Variants in SGK1 observed in about 807,000 individuals in gnomAD.
SGK1 encodes serine/threonine-protein kinase Sgk1.
Under a neutral mutation model 64.2 loss-of-function variants are expected in SGK1, and 26 were observed. The observed-to-expected ratio is 0.40, with a 90% CI of 0.30 to 0.56. The LOEUF (loss-of-function observed/expected upper bound fraction) is 0.56, where lower values mean the gene tolerates loss of function less well. Ranked by LOEUF, SGK1 falls within the 20% of genes least tolerant of loss-of-function variation. The probability of loss-of-function intolerance (pLI) is 0.38; values close to 1 mark genes in which losing one functional copy is unlikely to be tolerated. For missense variants in SGK1, 519 were observed against 645.6 expected, an observed-to-expected ratio of 0.80 and a Z score of 2.12; for synonymous variants, 265 against 239.7, an observed-to-expected ratio of 1.11 and a Z score of -0.98.
chr6:134,171,622 C>T lies in SGK1; in HGVS notation c.1167+15G>A. On this transcript the variant is annotated intron_variant, in intron 11 of 13. Transcript: ENST00000367858. ...GGAGCAGGCAGTGTTCCATGGTTCCCAATGTGCCACTCACCAGGCCATACA... is the reference window on the plus strand; with the variant it reads ...GGAGCAGGCAGTGTTCCATGGTTCCTAATGTGCCACTCACCAGGCCATACA... The T allele has an allele frequency of 6.3e-6, 10 of 1,584,790 alleles. No individual in the cohort carries two copies. Among genetic ancestry groups the T allele is most frequent in the Non-Finnish European group, 7.8e-6 (9 of 1,153,302 alleles).
Position 134,172,283 on chromosome 6 carries a change from T to C in SGK1, c.981A>G (p.Ser327=). The change falls in exon 10 of 14, where the codon TCA becomes TCG. Residue 327 remains serine, a synonymous_variant. Coordinates refer to ENST00000367858, the MANE Select transcript of SGK1 (RefSeq NM_001143676.3). ...AGTCAGTAAGGACAATGTGTCCCTG[T>C]GAATCTAGCAAAATATTCTCTGGTT... ...DLKPENILLD[S]QGHIVLTDFG... 1 of 1,613,478 alleles carries C rather than the reference T, an allele frequency of 6.2e-7. No homozygotes were observed. Among genetic ancestry groups the C allele is most frequent in the South Asian group, 1.1e-5 (1 of 91,034 alleles).
intron 1 of SGK1, among the ~76,000 whole-genome samples, chr6:134,290,676 C>T (rs951996480): frequency 1.3e-5 from 2 of 152,096 alleles, no homozygotes; most frequent in East Asian, 1.9e-4. Context: ...TCTCATTGTG[C>T]CTCAGATAAT....
chr6:134,305,855 G>A (rs1010365890), intron 1 of SGK1, among the ~76,000 whole-genome samples: 1 of 152,054 alleles, frequency 6.6e-6, no homozygotes, highest in Non-Finnish European at 1.5e-5. Flanking sequence ...AAAATGCAAA[G>A]AACTTTCAAT....
chr6:134,274,870 A>G (rs1776997098), intron 1 of SGK1, among the ~76,000 whole-genome samples: 1 of 151,986 alleles, frequency 6.6e-6, no homozygotes, highest in African/African-American at 2.4e-5. Context: ...CAGTGGCGCA[A>G]TCTTGGCTCA....
intron 3 of SGK1, chr6:134,177,833 G>A (rs1160316293): frequency 4.4e-6 from 7 of 1,608,064 alleles, no homozygotes; most frequent in South Asian, 3.3e-5. Context: ...GAGAGCACGA[G>A]CCAGAGACGG....
At chr6:134,264,121 CTTT>C (rs61245102) in intron 1 of SGK1, among the ~76,000 whole-genome samples, 5 of 140,182 alleles carry the variant, frequency 3.6e-5, no homozygotes, top group Admixed American at 7.2e-5. Flanking sequence ...TCTTTTCTTT[CTTT>C]TTTTTTTTTT....
At chr6:134,197,307 C>A (rs1205059346) in intron 3 of SGK1, among the ~76,000 whole-genome samples, 1 of 152,064 alleles carries the variant, frequency 6.6e-6, no homozygotes, top group East Asian at 1.9e-4. Context: ...TGGAAGATAG[C>A]TGGCAAGTTG....
intron 1 of SGK1, among the ~76,000 whole-genome samples, chr6:134,295,442 A>G (rs1000826953): frequency 6.6e-6 from 1 of 152,188 alleles, no homozygotes; most frequent in African/African-American, 2.4e-5. Flanking sequence ...GGTGGCTCAA[A>G]CCTGTAATCC....
At chr6:134,231,735 A>G (rs1243076013) in intron 2 of SGK1, among the ~76,000 whole-genome samples, 2 of 152,170 alleles carry the variant, frequency 1.3e-5, no homozygotes, top group South Asian at 2.1e-4. Context: ...TGGTATCTAT[A>G]AAGTGTTTTT....
intron 3 of SGK1, among the ~76,000 whole-genome samples, chr6:134,204,171 G>A (rs1208918094): frequency 1.3e-5 from 2 of 151,316 alleles, no homozygotes; most frequent in African/African-American, 4.9e-5. Context: ...TCTACCACTA[G>A]AGGTGGAGAT....
rs188661494 is a variant in SGK1 at position 134,172,401 on chromosome 6, T to G, written c.948-85A>C. On this transcript the variant is annotated intron_variant, in intron 9 of 13. Transcript: ENST00000367858. ...TCTTAAAGATAATTGCTAAAGGTAT[T>G]AGAGGCATTTTAGGTTCACTGTAGT... 58 of 1,368,262 alleles carry G rather than the reference T, an allele frequency of 4.2e-5. No homozygotes were observed. In the East Asian group the frequency reaches 1.3e-3, roughly 30 times the overall value. The allele number at this position is 1,368,262 out of a possible 1,614,324, so 84.8% of individuals were successfully genotyped here. A position where few individuals can be genotyped will look rare whatever the true frequency, so the allele number is the denominator to read the frequency against.
At chr6:134,283,770 C>T (rs1777132100) in intron 1 of SGK1, among the ~76,000 whole-genome samples, 1 of 148,954 alleles carries the variant, frequency 6.7e-6, no homozygotes, top group African/African-American at 2.5e-5. Flanking sequence ...CTCTTGAGCC[C>T]AGAAGGTCAA....
At chr6:134,313,053 G>A (rs1297652760) in intron 1 of SGK1, among the ~76,000 whole-genome samples, 3 of 152,180 alleles carry the variant, frequency 2.0e-5, no homozygotes, top group African/African-American at 4.8e-5. Context: ...CATTACAGGC[G>A]TGAGCCAACG....
chr6:134,175,666 A>AGCGGGCGGCGGG, intron 3 of SGK1: 8 of 1,493,906 alleles, frequency 5.4e-6, no homozygotes, highest in Non-Finnish European at 6.3e-6. Flanking sequence ...CCCCATGGGC[A>AGCGGGCGGCGGG]GCGGGCGGCG....
chr6:134,225,460 A>ATGATGC (rs1459220995), intron 2 of SGK1, among the ~76,000 whole-genome samples: 9 of 152,170 alleles, frequency 5.9e-5, no homozygotes, highest in Non-Finnish European at 1.3e-4. Flanking sequence ...CTGAGGAAGA[A>ATGATGC]TGATGCTACC....
At position 134,207,643 on chromosome 6, in the gene SGK1, G is replaced by T. The variant is rs112474434; in HGVS notation, c.286-212C>A. ...AGCCTTTTAGTCCTGGGCAAACCGG[G>T]ACAGTTGGTCCCCTTACACATGAAG... is the stretch of plus-strand genomic sequence containing the variant. On this transcript the variant is annotated intron_variant, in intron 2 of 13. Coordinates refer to ENST00000367858, the MANE Select transcript of SGK1 (RefSeq NM_001143676.3). 1.8e-4 allele frequency among the ~76,000 whole-genome samples: 27 copies of T among 152,288 alleles called. 1 individual carries two copies. The highest frequency in any genetic ancestry group is 5.8e-4 in the African/African-American group (24 of 41,560).
intron 1 of SGK1, among the ~76,000 whole-genome samples, chr6:134,279,505 T>C (rs1159858799): frequency 6.6e-6 from 1 of 151,884 alleles, no homozygotes; most frequent in Non-Finnish European, 1.5e-5. Flanking sequence ...CTTGCAACAT[T>C]ATCCTTGGTG....
chr6:134,213,665 C>A (rs1775930704), intron 2 of SGK1, among the ~76,000 whole-genome samples: 1 of 94,288 alleles, frequency 1.1e-5, no homozygotes. Context: ...AAAATGTCCT[C>A]ATGAAACACC....
Position 134,191,835 on chromosome 6 carries a change from A to ATTTTTTTT in SGK1, c.361+15513_361+15520dup, listed in dbSNP as rs71003671. ...AGGCATGCGCCACCACGCCCGGCTG[A>ATTTTTTTT]TTTTTTTTTTTTTTTTTTGAGACAG... On this transcript the variant is annotated intron_variant, in intron 3 of 13. Transcript: ENST00000367858. Among the ~76,000 whole-genome samples, 23 of 61,204 alleles carry ATTTTTTTT rather than the reference A, an allele frequency of 3.8e-4. 4 individuals are homozygous for ATTTTTTTT. The highest frequency in any genetic ancestry group is 4.7e-4 in the African/African-American group (7 of 14,852). 40.2% of individuals were successfully genotyped at this position (61,204 alleles called of 152,430 possible).
Sources: gnomAD v4.1 joint callset for allele counts (sites outside exome capture counted in the v4.1 genomes callset) on GRCh38, gnomAD v4.1.1 for gene constraint, MANE v1.5 for transcripts, NCBI Gene and HGNC (gene_info 2026-07-23, HGNC 2026-07-21) for gene names.